Variants in FBXO8 observed in about 807,000 individuals in gnomAD.
FBXO8 encodes the protein F-box only protein 8.
In FBXO8, 15 loss-of-function variants were observed where a neutral mutation model predicts 33.4. The ratio of observed to expected loss-of-function variants is 0.45; its 90% CI spans 0.30 to 0.69. FBXO8 has a LOEUF of 0.69. Ranked by LOEUF, FBXO8 falls within the 30% of genes least tolerant of loss-of-function variation. The pLI is 0.08. For missense variants in FBXO8, 274 were observed against 380.3 expected, an observed-to-expected ratio of 0.72 and a Z score of 2.32; for synonymous variants, 132 against 131.5, an observed-to-expected ratio of 1.00 and a Z score of -0.02.
At position 174,263,710 on chromosome 4, in the gene FBXO8, A is replaced by G. The variant is rs1736624829; in HGVS notation, c.-8-610T>C. On this transcript the variant is annotated intron_variant, in intron 1 of 5. Coordinates refer to ENST00000393674, the MANE Select transcript of FBXO8 (RefSeq NM_012180.3). The surrounding 1 kb of genome is among the most constrained non-coding windows in gnomAD (Gnocchi z 4.2). ...AGAACTCCATGATAAATAGCTCGGT[A>G]ACAGTAGACTATTTAGTTTTGTTGT... is the stretch of plus-strand genomic sequence containing the variant. 2.0e-5 allele frequency among the ~76,000 whole-genome samples: 3 copies of G among 152,198 alleles called. No homozygotes were observed. In the South Asian group the frequency reaches 6.2e-4, roughly 31 times the overall value.
intron 4 of FBXO8, among the ~76,000 whole-genome samples, chr4:174,240,293 A>G (rs2126413079): frequency 6.6e-6 from 1 of 151,882 alleles, no homozygotes; most frequent in East Asian, 1.9e-4. Context: ...TCTCAAAGAC[A>G]GGGACTGTAT....
At position 174,272,604 on chromosome 4, in the gene FBXO8, T is replaced by C. The variant is rs1241773620; in HGVS notation, c.-8-9504A>G. Among the ~76,000 whole-genome samples, 1 of 152,038 alleles carries C rather than the reference T, an allele frequency of 6.6e-6. No homozygotes were observed. Among genetic ancestry groups the C allele is most frequent in the Non-Finnish European group, 1.5e-5 (1 of 67,994 alleles). On this transcript the variant is annotated intron_variant, in intron 1 of 5. Transcript: ENST00000393674. The surrounding 1 kb of genome is among the most constrained non-coding windows in gnomAD (Gnocchi z 4.7). Reference sequence around the variant, plus strand: ...GGAGAAGGAAAGCTCTTTTTTAGAGTAGAATTCTAATTAAAGAAGATAGAA... The same window carrying C: ...GGAGAAGGAAAGCTCTTTTTTAGAGCAGAATTCTAATTAAAGAAGATAGAA...
chr4:174,269,119 A>G (rs914392845), intron 1 of FBXO8: 1 of 152,200 alleles, frequency 6.6e-6, no homozygotes, highest in African/African-American at 2.4e-5. Flanking sequence ...GATCTATAGA[A>G]TTCTTTCTAA....
rs777053050 is a variant in FBXO8, at chr4:174,245,956, G to A, written c.457-4738C>T. On this transcript the variant is annotated intron_variant, in intron 3 of 5. Coordinates refer to ENST00000393674, the MANE Select transcript of FBXO8 (RefSeq NM_012180.3). The surrounding 1 kb of genome is among the most constrained non-coding windows in gnomAD (Gnocchi z 4.6). ...GTTGATTTGAAGAAAACAGTGATGA[G>A]TTAGCTTTTAGACATGTTGAATTTT... Among the ~76,000 whole-genome samples, 18 of 151,924 alleles carry A rather than the reference G, an allele frequency of 1.2e-4. No homozygotes were observed. The highest frequency in any genetic ancestry group is 5.9e-5 in the Non-Finnish European group (4 of 67,938).
chr4:174,260,606 A>G (rs1325696802), intron 2 of FBXO8, among the ~76,000 whole-genome samples: 1 of 151,990 alleles, frequency 6.6e-6, no homozygotes, highest in East Asian at 1.9e-4. Flanking sequence ...AAAACCGAAA[A>G]TACTAACAGT....
chr4:174,259,888 T>G lies in FBXO8; in HGVS notation c.330-63A>C, dbSNP rs980166302. On this transcript the variant is annotated intron_variant, in intron 2 of 5. Coordinates refer to ENST00000393674, the MANE Select transcript of FBXO8 (RefSeq NM_012180.3). The surrounding 1 kb of genome is among the most constrained non-coding windows in gnomAD (Gnocchi z 4.3). ...TACATTTAATTTCCTAAGTTAAATA[T>G]GCATATACATGCAAAAATAGTAACA... 1.7e-5 allele frequency: 24 copies of G among 1,392,528 alleles called. No homozygotes were observed. The highest frequency in any genetic ancestry group is 3.0e-5 in the African/African-American group (2 of 67,608). The allele number at this position is 1,392,528 out of a possible 1,614,324, so 86.3% of individuals were successfully genotyped here. A position where few individuals can be genotyped will look rare whatever the true frequency, so the allele number is the denominator to read the frequency against.
chr4:174,254,532 T>C lies in FBXO8; in HGVS notation c.456+5167A>G, dbSNP rs1203723364. On this transcript the variant is annotated intron_variant, in intron 3 of 5. Coordinates refer to ENST00000393674, the MANE Select transcript of FBXO8 (RefSeq NM_012180.3). This position sits in a 1 kb window ranked among gnomAD's most constrained non-coding sequence, Gnocchi z 4.2. ...GAATGCGATACCAAGTAAATAATGA[T>C]GAATGGTCTATTAGTTACAAATTAT... Among the ~76,000 whole-genome samples, 2 of 152,192 alleles carry C rather than the reference T, an allele frequency of 1.3e-5. No homozygotes were observed. Among genetic ancestry groups the C allele is most frequent in the Non-Finnish European group, 2.9e-5 (2 of 68,028 alleles).
Position 174,251,853 on chromosome 4 carries a change from G to C in FBXO8, c.456+7846C>G, listed in dbSNP as rs1237378992. ...TATGGGTAAACAGTTCTTACAGAGG[G>C]GGGAGCTACTTAAGCCATATTTGGT... On this transcript the variant is annotated intron_variant, in intron 3 of 5. Transcript: ENST00000393674. This position sits in a 1 kb window ranked among gnomAD's most constrained non-coding sequence, Gnocchi z 4.2. Among the ~76,000 whole-genome samples the C allele has an allele frequency of 1.3e-5, 2 of 152,082 alleles. No individual in the cohort carries two copies. The highest frequency in any genetic ancestry group is 6.6e-5 in the Admixed American group (1 of 15,254).
Position 174,245,932 on chromosome 4 carries a change from T to C in FBXO8, c.457-4714A>G, listed in dbSNP as rs919778782. Among the ~76,000 whole-genome samples the C allele has an allele frequency of 5.3e-5, 8 of 151,858 alleles. No individual in the cohort carries two copies. The highest frequency in any genetic ancestry group is 1.9e-4 in the East Asian group (1 of 5,178). On this transcript the variant is annotated intron_variant, in intron 3 of 5. Coordinates refer to ENST00000393674, the MANE Select transcript of FBXO8 (RefSeq NM_012180.3). This position sits in a 1 kb window ranked among gnomAD's most constrained non-coding sequence, Gnocchi z 4.6. ...AGGTCAAAAAAAGTCAAAGAGGGTG[T>C]TGATTTGAAGAAAACAGTGATGAGT...
intron 2 of FBXO8, among the ~76,000 whole-genome samples, chr4:174,260,188 T>C (rs1301428545): frequency 1.3e-5 from 2 of 152,020 alleles, no homozygotes; most frequent in South Asian, 4.1e-4. Flanking sequence ...GCCTGCCTAA[T>C]CTTCACAACA....
chr4:174,255,496 T>C lies in FBXO8; in HGVS notation c.456+4203A>G, dbSNP rs1198392934. Reference sequence around the variant, plus strand: ...ACATGTGGATAGGTCAAATTTAAAATATTTTTATAATAGATTATTTAGTAA... The same window carrying C: ...ACATGTGGATAGGTCAAATTTAAAACATTTTTATAATAGATTATTTAGTAA... On this transcript the variant is annotated intron_variant, in intron 3 of 5. Transcript: ENST00000393674. The surrounding 1 kb of genome is among the most constrained non-coding windows in gnomAD (Gnocchi z 4.3). Among the ~76,000 whole-genome samples, 1 of 151,956 alleles carries C rather than the reference T, an allele frequency of 6.6e-6. No individual in the cohort carries two copies. Among genetic ancestry groups the C allele is most frequent in the Non-Finnish European group, 1.5e-5 (1 of 67,962 alleles).
At chr4:174,268,731 C>T (rs956366312) in intron 1 of FBXO8, among the ~76,000 whole-genome samples, 3 of 152,158 alleles carry the variant, frequency 2.0e-5, no homozygotes, top group South Asian at 2.1e-4. Flanking sequence ...CCACCGCGCC[C>T]GGCCGGGGGC....
rs1736413131 is a variant in FBXO8 at position 174,256,276 on chromosome 4, T to C, written c.456+3423A>G. On this transcript the variant is annotated intron_variant, in intron 3 of 5. Transcript: ENST00000393674. This position sits in a 1 kb window ranked among gnomAD's most constrained non-coding sequence, Gnocchi z 4.6. The stretch of plus-strand genomic sequence containing the variant: ...ATTATATACATCTTATCTCAGGTAC[T>C]TGCAAAAAGCATCACATATTTAAAC... 8.2e-6 allele frequency: 3 copies of C among 365,170 alleles called. No homozygotes were observed. Among genetic ancestry groups the C allele is most frequent in the Non-Finnish European group, 1.6e-5 (3 of 185,928 alleles). 22.6% of individuals were successfully genotyped at this position (365,170 alleles called of 1,614,324 possible).
rs904881810 is a variant in FBXO8, at chr4:174,275,812, G to C, written c.-9+7598C>G. On this transcript the variant is annotated intron_variant, in intron 1 of 5. Coordinates refer to ENST00000393674, the MANE Select transcript of FBXO8 (RefSeq NM_012180.3). This position sits in a 1 kb window ranked among gnomAD's most constrained non-coding sequence, Gnocchi z 4.4. ...CTTCAGGTAAATTTGAATACATATGGATCAAAAGAAGATGGAATTAAGGAA... is the reference window on the plus strand; with the variant it reads ...CTTCAGGTAAATTTGAATACATATGCATCAAAAGAAGATGGAATTAAGGAA... Among the ~76,000 whole-genome samples the C allele has an allele frequency of 2.0e-5, 3 of 152,042 alleles. No individual in the cohort carries two copies. Among genetic ancestry groups the C allele is most frequent in the Non-Finnish European group, 4.4e-5 (3 of 67,996 alleles).
intron 3 of FBXO8, among the ~76,000 whole-genome samples, chr4:174,248,668 G>C (rs887793388): frequency 6.6e-6 from 1 of 152,052 alleles, no homozygotes; most frequent in Non-Finnish European, 1.5e-5. Flanking sequence ...ATTTTGTCTG[G>C]AGGATAATGA....
chr4:174,237,565 T>G lies in FBXO8; in HGVS notation c.807A>C (p.Leu269=), dbSNP rs370540557. The part of the protein sequence containing the change: ...AVYVLCYSLI[L]LSIDLTSPHV... ...GAGGGCTAGTGAGGTCAATGGAAAGTAGAATCAAAGAGTAGCACAGTACAT... is the reference window on the plus strand; with the variant it reads ...GAGGGCTAGTGAGGTCAATGGAAAGGAGAATCAAAGAGTAGCACAGTACAT... Residue 269 remains leucine, a synonymous_variant, in exon 6 of 6, where the codon CTA becomes CTC. Transcript: ENST00000393674. This position sits in a 1 kb window ranked among gnomAD's most constrained non-coding sequence, Gnocchi z 4.4. The G allele has an allele frequency of 1.1e-5, 17 of 1,613,386 alleles. No individual in the cohort carries two copies. The highest frequency in any genetic ancestry group is 1.3e-5 in the African/African-American group (1 of 74,886).
Position 174,239,207 on chromosome 4 carries a change from AGGCACAGCTTT to A in FBXO8, c.576-28_576-18del. Reference sequence around the variant, plus strand: ...ACATCTCTCCTACAGAAAGAAAAAAAGGCACAGCTTTGGTTAACTTTTCTTCATTAAAAAAA... The same window carrying A: ...ACATCTCTCCTACAGAAAGAAAAAAAGGTTAACTTTTCTTCATTAAAAAAA... On this transcript the variant is annotated intron_variant, in intron 4 of 5. Coordinates refer to ENST00000393674, the MANE Select transcript of FBXO8 (RefSeq NM_012180.3). The A allele has an allele frequency of 6.7e-7, 1 of 1,485,068 alleles. No individual in the cohort carries two copies. The highest frequency in any genetic ancestry group is 1.4e-5 in the South Asian group (1 of 71,534). The allele number at this position is 1,485,068 out of a possible 1,614,324, so 92.0% of individuals were successfully genotyped here.
chr4:174,281,571 C>T lies in FBXO8; in HGVS notation c.-9+1839G>A, dbSNP rs1737088464. On this transcript the variant is annotated intron_variant, in intron 1 of 5. Transcript: ENST00000393674. This position sits in a 1 kb window ranked among gnomAD's most constrained non-coding sequence, Gnocchi z 4.6. ...CACGTGATGGCGTGTGCCTGTGGTC[C>T]CAGGTACTCTGAAGGCTGAGGTGGG... Among the ~76,000 whole-genome samples, 1 of 151,978 alleles carries T rather than the reference C, an allele frequency of 6.6e-6. No individual in the cohort carries two copies. Among genetic ancestry groups the T allele is most frequent in the South Asian group, 2.1e-4 (1 of 4,820 alleles).
At position 174,255,583 on chromosome 4, in the gene FBXO8, T is replaced by G. The variant is rs915092578; in HGVS notation, c.456+4116A>C. Among the ~76,000 whole-genome samples, 3 of 151,470 alleles carry G rather than the reference T, an allele frequency of 2.0e-5. No individual in the cohort carries two copies. The highest frequency in any genetic ancestry group is 7.3e-5 in the African/African-American group (3 of 41,258). ...TAAATACCAGAAAAATGTGCTTACA[T>G]AGTCATTAAAAAAAAAAACTTGTTA... is the stretch of plus-strand genomic sequence containing the variant. On this transcript the variant is annotated intron_variant, in intron 3 of 5. Transcript: ENST00000393674. This position sits in a 1 kb window ranked among gnomAD's most constrained non-coding sequence, Gnocchi z 4.3.
Sources: gnomAD v4.1 joint callset for allele counts (sites outside exome capture counted in the v4.1 genomes callset) on GRCh38, gnomAD v4.1.1 for gene constraint, Gnocchi (gnomAD v3.1) non-coding constraint, MANE v1.5 for transcripts, NCBI Gene and HGNC (gene_info 2026-07-23, HGNC 2026-07-21) for gene names.